Variants in BORA observed in about 807,000 individuals in gnomAD.
BORA encodes the protein protein aurora borealis.
A neutral mutation model predicts 55.8 loss-of-function variants in BORA; 26 were observed. The ratio of observed to expected loss-of-function variants is 0.47; its 90% confidence interval spans 0.34 to 0.65. The LOEUF (loss-of-function observed/expected upper bound fraction) is 0.65, where lower values mean the gene tolerates loss of function less well. Among genes scored for constraint, BORA ranks in the 30% least tolerant of loss-of-function variants. The probability of loss-of-function intolerance (pLI) is 0.01; values close to 1 mark genes in which losing one functional copy is unlikely to be tolerated. For missense variants in BORA, 568 were observed against 671.5 expected (o/e 0.85, Z 1.70); for synonymous variants, 201 against 216.9 (o/e 0.93, Z 0.64).
At chr13:72,753,409 A>G (rs1010625798) in intron 10 of BORA, 1 of 244,990 alleles carries the variant, frequency 4.1e-6, no homozygotes, top group African/African-American at 2.3e-5. Flanking sequence ...TACGATCACA[A>G]AATAACAGGA....
intron 8 of BORA, 29 bp from the exon 9 acceptor site, chr13:72,745,915 C>G (rs1354836813): frequency 6.3e-7 from 1 of 1,582,506 alleles, no homozygotes; most frequent in Non-Finnish European, 8.6e-7. Flanking sequence ...GAACCATATA[C>G]ATTTATTTAC....
At chr13:72,754,116 C>G (rs999262692) in intron 11 of BORA, 1 of 229,422 alleles carries the variant, frequency 4.4e-6, no homozygotes, top group African/African-American at 2.3e-5. Context: ...ATTTCAGGCA[C>G]TAGTCAGGAC....
Position 72,727,935 on chromosome 13 carries a change from C to CCTGTCGTGGAAG in BORA, c.-84_-73dup. ...GAAGCGGGGAGTTAAAGAGTCTATG[C>CCTGTCGTGGAAG]CTGTCGTGGAAGCTGGCCTGGCCCC... On this transcript the variant is annotated 5_prime_UTR_variant, in exon 1 of 12. Coordinates refer to ENST00000390667, the MANE Select transcript of BORA (RefSeq NM_024808.5). 6.4e-7 allele frequency: 1 copy of CCTGTCGTGGAAG among 1,550,638 alleles called. No homozygotes were observed. The highest frequency in any genetic ancestry group is 8.7e-7 in the Non-Finnish European group (1 of 1,147,002).
chr13:72,746,623 C>T lies in BORA; in HGVS notation c.994C>T (p.Pro332Ser), dbSNP rs377298389. ...CTGCTCGCCAATTAAAAATTGGTCTCCTATGAGACTTCAGATGTATAGTGG... is the reference window on the plus strand; with the variant it reads ...CTGCTCGCCAATTAAAAATTGGTCTTCTATGAGACTTCAGATGTATAGTGG... ...DGCSPIKNWS[P>S]MRLQMYSGGT... Residue 332 changes from proline to serine, a missense_variant, in exon 10 of 12, where the codon CCT becomes TCT. Physicochemically the swap from Pro to Ser is moderately conservative, Grantham distance 74. Transcript: ENST00000390667. 7 of 1,613,978 alleles carry T rather than the reference C, an allele frequency of 4.3e-6. No individual in the cohort carries two copies. Among genetic ancestry groups the T allele is most frequent in the African/African-American group, 4.0e-5 (3 of 74,912 alleles).
Position 72,755,338 on chromosome 13 carries a change from C to T in BORA, c.*122C>T, listed in dbSNP as rs753982034. ...CAAGTAACATGCTTAGCTTTCCCTC[C>T]TTAATGTGAAAAATCAAGGGCTTAC... is the stretch of plus-strand genomic sequence containing the variant. On this transcript the variant is annotated 3_prime_UTR_variant, in exon 12 of 12. Coordinates refer to ENST00000390667, the MANE Select transcript of BORA (RefSeq NM_024808.5). 6 of 747,736 alleles carry T rather than the reference C, an allele frequency of 8.0e-6. No individual in the cohort carries two copies. The highest frequency in any genetic ancestry group is 1.3e-5 in the Non-Finnish European group (6 of 464,576). 46.3% of individuals were successfully genotyped at this position (747,736 alleles called of 1,614,324 possible). A position where few individuals can be genotyped will look rare whatever the true frequency, so the allele number is the denominator to read the frequency against.
chr13:72,751,912 A>C (rs138718786), intron 10 of BORA, among the ~76,000 whole-genome samples: 170 of 152,360 alleles, frequency 1.1e-3, no homozygotes, highest in African/African-American at 3.9e-3. Context: ...AATGGAAGGC[A>C]AGGTCCTTTG....
At chr13:72,738,919 T>A (rs1207631550) in intron 5 of BORA, among the ~76,000 whole-genome samples, 1 of 152,162 alleles carries the variant, frequency 6.6e-6, no homozygotes, top group Non-Finnish European at 1.5e-5. Flanking sequence ...GTTACAGAGA[T>A]GATAAAAGTG....
chr13:72,738,930 G>A (rs1327658072), intron 5 of BORA, among the ~76,000 whole-genome samples: 1 of 152,096 alleles, frequency 6.6e-6, no homozygotes, highest in Non-Finnish European at 1.5e-5. Flanking sequence ...GATAAAAGTG[G>A]GAAAACCTGA....
chr13:72,744,574 T>C lies in BORA; in HGVS notation c.511+13T>C, dbSNP rs780318981. The stretch of plus-strand genomic sequence containing the variant: ...GAAAATATATTAGGTAAATACTGTA[T>C]TTGTTTAAACTTTTAATAACTTGAA... On this transcript the variant is annotated intron_variant, in intron 7 of 11. Coordinates refer to ENST00000390667, the MANE Select transcript of BORA (RefSeq NM_024808.5). The C allele has an allele frequency of 2.0e-5, 32 of 1,577,980 alleles. No homozygotes were observed. Among genetic ancestry groups the C allele is most frequent in the Non-Finnish European group, 2.7e-5 (31 of 1,151,990 alleles).
intron 3 of BORA, among the ~76,000 whole-genome samples, chr13:72,734,129 G>A (rs953075442): frequency 6.6e-6 from 1 of 152,080 alleles, no homozygotes; most frequent in African/African-American, 2.4e-5. Context: ...TAAATAATCT[G>A]TACAACAAAC....
intron 1 of BORA, 71 bp downstream of exon 1, chr13:72,728,078 G>T (rs769252430): frequency 1.3e-6 from 2 of 1,543,794 alleles, no homozygotes; most frequent in Non-Finnish European, 8.8e-7. Flanking sequence ...CCCAGCTCCT[G>T]ACTTGCCTGC....
intron 10 of BORA, chr13:72,752,433 T>G (rs528972708): frequency 2.0e-5 from 3 of 152,366 alleles, no homozygotes; most frequent in Admixed American, 1.3e-4. Context: ...AATCCTGCTC[T>G]TCCCATAGTG....
chr13:72,728,127 G>A (rs1443560799), intron 1 of BORA, 120 bp downstream of exon 1: 1 of 1,358,902 alleles, frequency 7.4e-7, no homozygotes. Flanking sequence ...CAGGGAGTAG[G>A]TGTGGAAGAG....
chr13:72,732,069 T>G (rs564728782), intron 3 of BORA, among the ~76,000 whole-genome samples: 1 of 152,348 alleles, frequency 6.6e-6, no homozygotes, highest in East Asian at 1.9e-4. Flanking sequence ...TGTTTTATAG[T>G]CTGATTTTTT....
rs902822170 is a variant in BORA at position 72,744,445 on chromosome 13, T to C, written c.455-60T>C. The C allele has an allele frequency of 9.4e-6, 13 of 1,383,720 alleles. No individual in the cohort carries two copies. In the South Asian group the frequency reaches 1.3e-4, roughly 14 times the overall value. 85.7% of individuals were successfully genotyped at this position (1,383,720 alleles called of 1,614,324 possible). A position where few individuals can be genotyped will look rare whatever the true frequency, so the allele number is the denominator to read the frequency against. Reference sequence around the variant, plus strand: ...GGGCAGCACATGCTGAATTGTATAGTGTATACTTTCATTGATTTATCCCAT... The same window carrying C: ...GGGCAGCACATGCTGAATTGTATAGCGTATACTTTCATTGATTTATCCCAT... On this transcript the variant is annotated intron_variant, in intron 6 of 11. Transcript: ENST00000390667.
intron 3 of BORA, among the ~76,000 whole-genome samples, chr13:72,732,929 C>A (rs1360999635): frequency 6.6e-6 from 1 of 152,084 alleles, no homozygotes; most frequent in Non-Finnish European, 1.5e-5. Context: ...TACTAAGAGT[C>A]AAGAGTCAAA....
intron 10 of BORA, chr13:72,752,461 A>T (rs1004735719): frequency 6.6e-6 from 1 of 152,208 alleles, no homozygotes. Context: ...AACTCCCCGC[A>T]TGCCTTACTT....
chr13:72,737,983 G>T lies in BORA; in HGVS notation c.328G>T (p.Val110Leu), dbSNP rs752025723. 6.3e-7 allele frequency: 1 copy of T among 1,592,654 alleles called. No individual in the cohort carries two copies. The highest frequency in any genetic ancestry group is 1.3e-5 in the African/African-American group (1 of 74,540). ...IEEFFTKDVI[V>L]PSPWTDHEGK... ...CTAGTTTTTCACTAAAGATGTCATCGTACCCTCTCCTTGGACTGATCATGA... is the reference window on the plus strand; with the variant it reads ...CTAGTTTTTCACTAAAGATGTCATCTTACCCTCTCCTTGGACTGATCATGA... Residue 110 changes from valine to leucine, a missense_variant, in exon 5 of 12, where the codon GTA becomes TTA. Physicochemically the swap from Val to Leu is conservative, Grantham distance 32. Coordinates refer to ENST00000390667, the MANE Select transcript of BORA (RefSeq NM_024808.5).
Position 72,727,981 on chromosome 13 carries a change from A to G in BORA, c.-42A>G. On this transcript the variant is annotated 5_prime_UTR_variant, in exon 1 of 12. Coordinates refer to ENST00000390667, the MANE Select transcript of BORA (RefSeq NM_024808.5). The stretch of plus-strand genomic sequence containing the variant: ...GCCCCCGGAGCTCCCTGGAGTCGGT[A>G]CTGGGGGCTTCGTTTTGTACGCACC... 3.9e-6 allele frequency: 6 copies of G among 1,549,662 alleles called. No homozygotes were observed. The highest frequency in any genetic ancestry group is 5.2e-6 in the Non-Finnish European group (6 of 1,146,788).
Sources: allele counts gnomAD v4.1 joint callset (sites outside exome capture counted in the v4.1 genomes callset), GRCh38; gene constraint gnomAD v4.1.1; transcripts MANE v1.5; gene names NCBI Gene and HGNC (gene_info 2026-07-23, HGNC 2026-07-21).